The following CDH19 variants were observed in gnomAD, a reference collection of about 807,000 sequenced individuals.
CDH19 encodes the protein cadherin 19.
A neutral mutation model predicts 64.2 loss-of-function variants in CDH19; 67 were observed. The ratio of observed to expected loss-of-function variants is 1.04; its 90% CI spans 0.86 to 1.28. The LOEUF is 1.28. Among genes scored for constraint, CDH19 ranks in the 50% most tolerant of loss-of-function variants. The probability of loss-of-function intolerance (pLI) is 0.00; values close to 1 mark genes in which losing one functional copy is unlikely to be tolerated. For missense variants in CDH19, 1,030 were observed against 929.0 expected (o/e 1.11, Z -1.41); for synonymous variants, 346 against 319.3 (o/e 1.08, Z -0.89).
Position 66,590,755 on chromosome 18 carries a change from G to A in CDH19, c.-113+13199C>T, listed in dbSNP as rs369515928. On this transcript the variant is annotated intron_variant, in intron 1 of 11. Coordinates refer to ENST00000262150, the MANE Select transcript of CDH19 (RefSeq NM_021153.4). ...TTGAAATGCAAAAGAATGAAGTAAA[G>A]CATAAATATAAATGAAATTTCTCAT... is the stretch of plus-strand genomic sequence containing the variant. Among the ~76,000 whole-genome samples, 88 of 151,996 alleles carry A rather than the reference G, an allele frequency of 5.8e-4. 2 individuals carry two copies. In the South Asian group the frequency reaches 0.015, roughly 25 times the overall value.
At chr18:66,509,849 CA>C (rs1396531369) in intron 10 of CDH19, among the ~76,000 whole-genome samples, 6 of 151,742 alleles carry the variant, frequency 4.0e-5, no homozygotes, top group Non-Finnish European at 7.4e-5. Context: ...ACTTGGTAGA[CA>C]AGATCCTATT....
chr18:66,523,012 C>CA (rs1239530289), intron 9 of CDH19, among the ~76,000 whole-genome samples: 5 of 151,484 alleles, frequency 3.3e-5, no homozygotes, highest in Non-Finnish European at 7.4e-5. Context: ...ATAAAAATCA[C>CA]AAAAAAATGA....
At chr18:66,582,924 T>C (rs1392156656) in intron 1 of CDH19, among the ~76,000 whole-genome samples, 1 of 152,104 alleles carries the variant, frequency 6.6e-6, no homozygotes, top group Non-Finnish European at 1.5e-5. Flanking sequence ...AGTTCTAAAA[T>C]GAAAAGAGAT....
chr18:66,529,654 T>G (rs1045179092), intron 9 of CDH19, among the ~76,000 whole-genome samples, 191 bp downstream of exon 9: 2 of 147,914 alleles, frequency 1.4e-5, no homozygotes, highest in African/African-American at 2.4e-5. Context: ...AAGCTTATTT[T>G]ATATATATAA....
intron 5 of CDH19, among the ~76,000 whole-genome samples, chr18:66,549,107 A>T (rs1987247122): frequency 6.6e-6 from 1 of 152,160 alleles, no homozygotes; most frequent in African/African-American, 2.4e-5. Context: ...AGATTCACCC[A>T]CACTCGTATA....
At chr18:66,579,290 C>CA (rs1242916284) in intron 1 of CDH19, among the ~76,000 whole-genome samples, 1 of 151,690 alleles carries the variant, frequency 6.6e-6, no homozygotes, top group African/African-American at 2.4e-5. Flanking sequence ...AGTATTTTAC[C>CA]AAAAAAAGTT....
At chr18:66,571,099 C>T (rs1014584625) in intron 2 of CDH19, among the ~76,000 whole-genome samples, 12 of 150,548 alleles carry the variant, frequency 8.0e-5, no homozygotes, top group Admixed American at 4.0e-4. Context: ...TGTGTGTATG[C>T]GTGTGTGTGT....
At chr18:66,523,787 G>A (rs1986095960) in intron 9 of CDH19, among the ~76,000 whole-genome samples, 1 of 151,776 alleles carries the variant, frequency 6.6e-6, no homozygotes, top group South Asian at 2.1e-4. Context: ...AAAGGGAAAA[G>A]CAAACATGCC....
rs1431592477 is a variant in CDH19 at position 66,504,788 on chromosome 18, T to C, written c.*24A>G. ...GGGTTCGAATACACATTAGCACTTT[T>C]AAAAATTTTGATGGTAAAAAGCCCT... On this transcript the variant is annotated 3_prime_UTR_variant, in exon 12 of 12. Coordinates refer to ENST00000262150, the MANE Select transcript of CDH19 (RefSeq NM_021153.4). 6.4e-7 allele frequency: 1 copy of C among 1,572,064 alleles called. No individual in the cohort carries two copies. The highest frequency in any genetic ancestry group is 8.6e-7 in the Non-Finnish European group (1 of 1,156,120).
chr18:66,539,979 T>G (rs1239899405), intron 7 of CDH19, among the ~76,000 whole-genome samples: 2 of 152,166 alleles, frequency 1.3e-5, no homozygotes, highest in Admixed American at 1.3e-4. Flanking sequence ...TGTATAGGCA[T>G]AGCATTGTTC....
In CDH19 at chr18:66,504,619, T is replaced by C; in HGVS notation, c.*193A>G. The stretch of plus-strand genomic sequence containing the variant: ...TGCCTGTGAGCTGATTGTTTACATT[T>C]CTCCCCACATCTCTGTTCAATGACA... On this transcript the variant is annotated 3_prime_UTR_variant, in exon 12 of 12. Coordinates refer to ENST00000262150, the MANE Select transcript of CDH19 (RefSeq NM_021153.4). The C allele has an allele frequency of 2.0e-6, 1 of 493,546 alleles. No individual in the cohort carries two copies. 30.6% of individuals were successfully genotyped at this position (493,546 alleles called of 1,614,324 possible). A position where few individuals can be genotyped will look rare whatever the true frequency, so the allele number is the denominator to read the frequency against.
rs757258504 is a variant in CDH19, at chr18:66,568,536, T to C, written c.370A>G (p.Thr124Ala). ...GACTCAGGTTCCACAGCCCTTCCAG[T>C]AGCGATGTCTATTACCTGGGCTCTT... ...ILRAQVIDIATGRAVEPESEF... is the reference protein window; with the variant it reads ...ILRAQVIDIAAGRAVEPESEF... The change falls in exon 3 of 12, where the codon ACT becomes GCT. Residue 124 changes from threonine (T) to alanine (A), a missense_variant. Coordinates refer to ENST00000262150, the MANE Select transcript of CDH19 (RefSeq NM_021153.4). The C allele has an allele frequency of 3.6e-5, 58 of 1,612,292 alleles. No individual in the cohort carries two copies. The highest frequency in any genetic ancestry group is 4.3e-5 in the Non-Finnish European group (51 of 1,178,960).
chr18:66,585,388 T>A (rs1346799682), intron 1 of CDH19, among the ~76,000 whole-genome samples: 3 of 152,024 alleles, frequency 2.0e-5, no homozygotes, highest in African/African-American at 7.2e-5. Context: ...GAGTAGCACA[T>A]GTGGAGCAAG....
At chr18:66,580,072 T>C (rs532099341) in intron 1 of CDH19, among the ~76,000 whole-genome samples, 54 of 152,200 alleles carry the variant, frequency 3.5e-4, no homozygotes, top group African/African-American at 1.2e-3. Context: ...GCTTAAAATA[T>C]ACGTATTAAA....
intron 7 of CDH19, among the ~76,000 whole-genome samples, chr18:66,536,753 G>A (rs1986688663): frequency 1.3e-5 from 2 of 151,690 alleles, no homozygotes; most frequent in Non-Finnish European, 3.0e-5. Context: ...CGTTATGTAA[G>A]TTTTCTTTTC....
At chr18:66,571,016 C>T (rs1988084104) in intron 2 of CDH19, among the ~76,000 whole-genome samples, 1 of 151,634 alleles carries the variant, frequency 6.6e-6, no homozygotes, top group African/African-American at 2.4e-5. Flanking sequence ...TTAGTGCCAA[C>T]TGTGCGTATT....
intron 10 of CDH19, among the ~76,000 whole-genome samples, chr18:66,511,340 A>AAAC (rs199688136): frequency 0.12 from 17,783 of 151,732 alleles, 1,350 homozygotes; most frequent in Admixed American, 0.16. Flanking sequence ...AGCCATTGAT[A>AAAC]ACTTTAAAAA....
At position 66,504,447 on chromosome 18, in the gene CDH19, TG is replaced by T. The variant is rs1353980512; in HGVS notation, c.*364del. ...CATTTCTATTTGACTTGCAAATTTT[TG>T]CTCCTTTAAATTTTCTCGTTTGGTA... On this transcript the variant is annotated 3_prime_UTR_variant, in exon 12 of 12. Coordinates refer to ENST00000262150, the MANE Select transcript of CDH19 (RefSeq NM_021153.4). 5.9e-6 allele frequency: 1 copy of T among 170,778 alleles called. No homozygotes were observed. Among genetic ancestry groups the T allele is most frequent in the African/African-American group, 2.4e-5 (1 of 42,138 alleles). 10.6% of individuals were successfully genotyped at this position (170,778 alleles called of 1,614,324 possible).
intron 7 of CDH19, among the ~76,000 whole-genome samples, chr18:66,542,899 C>T (rs570195616): frequency 1.1e-4 from 17 of 152,248 alleles, no homozygotes; most frequent in African/African-American, 2.9e-4. Context: ...TCCCCTTCAC[C>T]CCCCCGACCT....
Sources: gnomAD v4.1 joint callset for allele counts (sites outside exome capture counted in the v4.1 genomes callset) on GRCh38, gnomAD v4.1.1 for gene constraint, MANE v1.5 for transcripts, NCBI Gene and HGNC (gene_info 2026-07-23, HGNC 2026-07-21) for gene names.